KLC1: variants seen among roughly 807,000 people sequenced by gnomAD.
KLC1 encodes kinesin 2 60/70kDa.
KLC1 carries 30 observed loss-of-function variants against 84.2 expected under a neutral mutation model. The observed-to-expected ratio is 0.36, with a 90% CI of 0.27 to 0.48. The LOEUF (loss-of-function observed/expected upper bound fraction) is 0.48. KLC1 is among the 20% of genes least tolerant of loss of function. KLC1 has a pLI of 0.99. For synonymous variants in KLC1, 289 were observed against 293.3 expected, an observed-to-expected ratio of 0.99 and a Z score of 0.15; for missense variants, 499 against 805.4, an observed-to-expected ratio of 0.62 and a Z score of 4.60.
At position 103,698,892 on chromosome 14, in the gene KLC1, C is replaced by T. The variant is rs561421246; in HGVS notation, c.1849-1763C>T. ...GGGCAGGTGGGGGGCAGAGAGCACC[C>T]GCAGGGTCCGGGCTGGGCAGCCGAG... On this transcript the variant is annotated intron_variant, in intron 15 of 16. Coordinates refer to ENST00000334553, the MANE Select transcript of KLC1 (RefSeq NM_001394837.1). The T allele has an allele frequency of 2.6e-5, 41 of 1,603,348 alleles. No homozygotes were observed. The South Asian group carries it at 2.8e-4, about 11-fold the overall frequency.
intron 7 of KLC1, among the ~76,000 whole-genome samples, chr14:103,670,556 C>CA (rs1307276844): frequency 6.6e-6 from 1 of 151,198 alleles, no homozygotes; most frequent in Non-Finnish European, 1.5e-5. Flanking sequence ...AGGATGTTCT[C>CA]AATCTCTTGA....
intron 14 of KLC1, among the ~76,000 whole-genome samples, chr14:103,691,339 T>C (rs932620745): frequency 4.0e-5 from 6 of 151,392 alleles, no homozygotes; most frequent in South Asian, 2.1e-4. Flanking sequence ...TTTGCATTTT[T>C]AGTAGAGACA....
intron 1 of KLC1, among the ~76,000 whole-genome samples, chr14:103,649,751 A>C (rs970455700): frequency 4.0e-5 from 6 of 149,786 alleles, no homozygotes; most frequent in African/African-American, 1.5e-4. Flanking sequence ...GCTGGAGTGC[A>C]GTGGCGCCAT....
chr14:103,670,339 GT>G (rs772308065), intron 7 of KLC1, 56 bp downstream of exon 7: 71,475 of 835,776 alleles, frequency 0.086, 4 homozygotes, highest in East Asian at 0.12. Context: ...TGTGTGTGTG[GT>G]TTTTTTTTTT....
chr14:103,677,521 C>A lies in KLC1; in HGVS notation c.1486C>A (p.Gln496Lys), dbSNP rs1595505944. 7 of 1,604,170 alleles carry A rather than the reference C, an allele frequency of 4.4e-6. No individual in the cohort carries two copies. The East Asian group carries it at 1.6e-4, about 36-fold the overall frequency. The change falls in exon 12 of 17, where the codon CAG becomes AAG. Residue 496 changes from glutamine to lysine, a missense_variant and splice_region_variant. By Grantham distance (53) the Gln-to-Lys change is moderately conservative. Around this residue, in one of 3 missense-constraint regions of KLC1, gnomAD observed 167 missense variants for 208.8 expected, o/e 0.80. Transcript: ENST00000334553. Reference sequence around the variant, plus strand: ...AGAAGCTGCTATGAGGTCTCGTAAACAGGTTAGTCATACTTCTGTCCTTAA... The same window carrying A: ...AGAAGCTGCTATGAGGTCTCGTAAAAAGGTTAGTCATACTTCTGTCCTTAA... ...LEEAAMRSRKQGLDNVHKQRV... is the reference protein window; with the variant it reads ...LEEAAMRSRKKGLDNVHKQRV...
chr14:103,670,963 A>T (rs1243182820), intron 7 of KLC1, among the ~76,000 whole-genome samples: 2 of 151,938 alleles, frequency 1.3e-5, no homozygotes, highest in African/African-American at 4.8e-5. Flanking sequence ...AGGCGTGTGC[A>T]TTTAGAAAGG....
At chr14:103,632,972 T>G (rs1372877392) in intron 1 of KLC1, among the ~76,000 whole-genome samples, 1 of 151,442 alleles carries the variant, frequency 6.6e-6, no homozygotes, top group South Asian at 2.1e-4. Context: ...GACATGGGAG[T>G]GAGTGTGGAA....
intron 1 of KLC1, among the ~76,000 whole-genome samples, chr14:103,641,941 A>AT (rs2077524826): frequency 1.3e-5 from 2 of 150,680 alleles, no homozygotes; most frequent in Admixed American, 1.3e-4. Context: ...TTTATTTTTT[A>AT]TTTTTTTGAG....
At chr14:103,639,373 C>T (rs1318418816) in intron 1 of KLC1, among the ~76,000 whole-genome samples, 9 of 152,066 alleles carry the variant, frequency 5.9e-5, no homozygotes, top group South Asian at 2.1e-4. Flanking sequence ...TCAAGTGATC[C>T]GCCTGCCTCA....
intron 15 of KLC1, 181 bp from the exon 16 acceptor site, chr14:103,700,474 T>G: frequency 1.9e-6 from 1 of 536,844 alleles, no homozygotes. Context: ...CCAAGCAGTG[T>G]AGTTCAGGCC....
chr14:103,662,922 G>C lies in KLC1; in HGVS notation c.792G>C (p.Val264=). The C allele has an allele frequency of 6.2e-7, 1 of 1,607,692 alleles. No homozygotes were observed. Among genetic ancestry groups the C allele is most frequent in the South Asian group, 1.1e-5 (1 of 90,612 alleles). The change falls in exon 5 of 17, where the codon GTG becomes GTC. Residue 264 remains valine (V), a synonymous_variant. Coordinates refer to ENST00000334553, the MANE Select transcript of KLC1 (RefSeq NM_001394837.1). Reference sequence around the variant, plus strand: ...CCATGCTCAACATCCTGGCCTTGGTGTACAGGCTAGTCACTTTTGTTTACC... The same window carrying C: ...CCATGCTCAACATCCTGGCCTTGGTCTACAGGCTAGTCACTTTTGTTTACC... ...VATMLNILAL[V]YRDQNKYKDA...
chr14:103,696,362 A>T, intron 15 of KLC1: 2 of 985,392 alleles, frequency 2.0e-6, no homozygotes, highest in South Asian at 4.7e-5. Context: ...TTGTGTTTAC[A>T]GTATTGGAGG....
chr14:103,630,776 G>A (rs750951427), intron 1 of KLC1, among the ~76,000 whole-genome samples: 1 of 152,160 alleles, frequency 6.6e-6, no homozygotes, highest in African/African-American at 2.4e-5. Flanking sequence ...ATTTCAACTT[G>A]TATGGAATTC....
At chr14:103,633,049 G>C (rs896416956) in intron 1 of KLC1, among the ~76,000 whole-genome samples, 1 of 151,970 alleles carries the variant, frequency 6.6e-6, no homozygotes, top group Admixed American at 6.6e-5. Flanking sequence ...GTTTACAAAG[G>C]AGGGTTGGAA....
intron 4 of KLC1, 125 bp from the exon 5 acceptor site, chr14:103,662,577 A>G (rs2079388011): frequency 1.3e-6 from 1 of 742,898 alleles, no homozygotes; most frequent in Non-Finnish European, 2.2e-6. Context: ...CTAGGAAAAG[A>G]TTTAAATAGC....
At chr14:103,657,878 T>C (rs2078942680) in intron 3 of KLC1, 102 bp downstream of exon 3, 3 of 781,916 alleles carry the variant, frequency 3.8e-6, no homozygotes, top group Admixed American at 2.6e-5. Flanking sequence ...TTAGAACATA[T>C]TAGAACATTA....
At position 103,693,637 on chromosome 14, in the gene KLC1, A is replaced by G. The variant is rs1265397392; in HGVS notation, c.1848+1212A>G. 10 of 1,535,348 alleles carry G rather than the reference A, an allele frequency of 6.5e-6. No homozygotes were observed. Among genetic ancestry groups the G allele is most frequent in the Non-Finnish European group, 7.8e-6 (9 of 1,146,792 alleles). ...CCACTGAGAGCCAGCAGGGCTAGGT[A>G]ACCTGTCTTGGGAGTGTGAGACCGC... On this transcript the variant is annotated intron_variant, in intron 15 of 16. Transcript: ENST00000334553. The surrounding 1 kb of genome is among the most constrained non-coding windows in gnomAD (Gnocchi z 5.1).
At chr14:103,658,758 A>T (rs1473523711) in intron 3 of KLC1, among the ~76,000 whole-genome samples, 2 of 136,084 alleles carry the variant, frequency 1.5e-5, no homozygotes, top group African/African-American at 5.6e-5. Flanking sequence ...CCCGGGCTCC[A>T]GCGATTCTCC....
intron 1 of KLC1, among the ~76,000 whole-genome samples, chr14:103,640,042 A>ACCGCGCCCAGC (rs2077365090): frequency 6.6e-6 from 1 of 152,214 alleles, no homozygotes; most frequent in Non-Finnish European, 1.5e-5. Context: ...GGCGTGAGCC[A>ACCGCGCCCAGC]CTGAGTCAGG....
Sources: allele counts gnomAD v4.1 joint callset (sites outside exome capture counted in the v4.1 genomes callset), GRCh38; gene constraint gnomAD v4.1.1; regional missense constraint gnomAD v4.1.1; non-coding constraint Gnocchi (gnomAD v3.1); transcripts MANE v1.5; gene names NCBI Gene and HGNC (gene_info 2026-07-23, HGNC 2026-07-21).